The following NTM variants were observed in gnomAD, a reference collection of about 807,000 sequenced individuals.
NTM encodes the protein IgLON family member 2.
Under a neutral mutation model 42.1 loss-of-function variants are expected in NTM, and 13 were observed. The ratio of observed to expected loss-of-function variants is 0.31; its 90% CI spans 0.20 to 0.49. The LOEUF is 0.49. Among genes scored for constraint, NTM ranks in the 20% least tolerant of loss-of-function variants. The pLI is 0.99. For synonymous variants in NTM, 187 were observed against 179.2 expected, an observed-to-expected ratio of 1.04 and a Z score of -0.35; for missense variants, 373 against 452.8, an observed-to-expected ratio of 0.82 and a Z score of 1.60.
At chr11:131,452,830 A>G (rs891607294) in intron 1 of NTM, among the ~76,000 whole-genome samples, 4 of 152,184 alleles carry the variant, frequency 2.6e-5, no homozygotes, top group African/African-American at 9.6e-5. Context: ...TGGGATTTTT[A>G]TCGCTCAGAT....
intron 1 of NTM, among the ~76,000 whole-genome samples, chr11:131,706,463 C>A (rs1375610663): frequency 6.6e-6 from 1 of 151,890 alleles, no homozygotes; most frequent in African/African-American, 2.4e-5. Flanking sequence ...TGGATTTGAG[C>A]AGCATAATAG....
intron 1 of NTM, among the ~76,000 whole-genome samples, chr11:131,881,043 G>A (rs2049391781): frequency 6.6e-6 from 1 of 152,150 alleles, no homozygotes; most frequent in East Asian, 1.9e-4. Context: ...GAACTTGCCA[G>A]AACCTTCCTA....
intron 1 of NTM, among the ~76,000 whole-genome samples, chr11:131,780,350 T>A (rs189476199): frequency 6.6e-6 from 1 of 152,202 alleles, no homozygotes; most frequent in Non-Finnish European, 1.5e-5. Context: ...ACGACCTCAC[T>A]GAGGGACAAT....
At chr11:132,209,044 G>C (rs2082423069) in intron 3 of NTM, among the ~76,000 whole-genome samples, 1 of 152,122 alleles carries the variant, frequency 6.6e-6, no homozygotes, top group Non-Finnish European at 1.5e-5. Flanking sequence ...GGGGGTGGGG[G>C]AAGGAGGTGG....
chr11:132,027,123 A>T (rs981286947), intron 2 of NTM, among the ~76,000 whole-genome samples: 3 of 152,254 alleles, frequency 2.0e-5, no homozygotes, highest in African/African-American at 7.2e-5. Flanking sequence ...TGTCCATACC[A>T]TAGATCCCTG....
intron 1 of NTM, among the ~76,000 whole-genome samples, chr11:131,501,442 G>C (rs2046820069): frequency 6.6e-6 from 1 of 152,128 alleles, no homozygotes; most frequent in Admixed American, 6.5e-5. Flanking sequence ...TTTGAGAATT[G>C]CTCCTGGGCT....
intron 1 of NTM, among the ~76,000 whole-genome samples, chr11:131,744,357 C>CCCATCTA (rs1048556626): frequency 6.6e-6 from 1 of 152,082 alleles, no homozygotes; most frequent in Non-Finnish European, 1.5e-5. Flanking sequence ...ACATGTTTTT[C>CCCATCTA]CCATCTAACA....
chr11:132,007,068 G>A (rs530002992), intron 2 of NTM, among the ~76,000 whole-genome samples: 14 of 152,134 alleles, frequency 9.2e-5, no homozygotes, highest in Non-Finnish European at 1.5e-4. Flanking sequence ...CCCCACTGGG[G>A]GTTCCTGAGT....
chr11:131,981,647 G>A (rs1032881458), intron 2 of NTM, among the ~76,000 whole-genome samples: 7 of 152,272 alleles, frequency 4.6e-5, no homozygotes, highest in Non-Finnish European at 7.3e-5. Flanking sequence ...CAATATTTCT[G>A]TGCTAGGGCA....
intron 3 of NTM, among the ~76,000 whole-genome samples, chr11:132,166,086 T>C (rs1376601299): frequency 6.6e-6 from 1 of 152,142 alleles, no homozygotes; most frequent in Non-Finnish European, 1.5e-5. Flanking sequence ...TAATGCTCTA[T>C]CCTGCTTGTT....
intron 4 of NTM, among the ~76,000 whole-genome samples, chr11:132,228,121 G>T (rs999470142): frequency 6.6e-6 from 1 of 152,202 alleles, no homozygotes; most frequent in African/African-American, 2.4e-5. Flanking sequence ...TCCAGGAGAA[G>T]CTCTGAAGGG....
chr11:132,298,327 T>A (rs2140089334), intron 4 of NTM, among the ~76,000 whole-genome samples: 1 of 152,350 alleles, frequency 6.6e-6, no homozygotes, highest in South Asian at 2.1e-4. Flanking sequence ...TTTATTTTTT[T>A]ATTTTTATTT....
At chr11:131,660,398 G>A (rs1435855923) in intron 1 of NTM, 7 of 449,730 alleles carry the variant, frequency 1.6e-5, no homozygotes, top group Non-Finnish European at 2.2e-5. Context: ...GGGTGAGGGA[G>A]GGAGAGAGGA....
At chr11:131,950,764 C>T (rs2060895227) in intron 2 of NTM, among the ~76,000 whole-genome samples, 1 of 152,106 alleles carries the variant, frequency 6.6e-6, no homozygotes, top group Non-Finnish European at 1.5e-5. Flanking sequence ...TCTTCAAAGC[C>T]CAACTCAAAA....
intron 1 of NTM, among the ~76,000 whole-genome samples, chr11:131,689,251 A>G (rs2074349059): frequency 6.6e-6 from 1 of 152,184 alleles, no homozygotes. Context: ...GCCAGGCAGG[A>G]ACACAGGTGG....
At chr11:131,639,818 T>C (rs1170252568) in intron 1 of NTM, among the ~76,000 whole-genome samples, 1 of 151,936 alleles carries the variant, frequency 6.6e-6, no homozygotes, top group Admixed American at 6.6e-5. Flanking sequence ...TAGCCGGGTG[T>C]GGTGGCGGGC....
intron 2 of NTM, among the ~76,000 whole-genome samples, chr11:132,053,530 A>G (rs967015190): frequency 2.0e-5 from 3 of 152,216 alleles, no homozygotes; most frequent in Non-Finnish European, 4.4e-5. Flanking sequence ...CTGAAATTCT[A>G]TACCAAGCTG....
At chr11:131,444,736 G>C (rs1443678121) in intron 1 of NTM, among the ~76,000 whole-genome samples, 1 of 152,188 alleles carries the variant, frequency 6.6e-6, no homozygotes, top group East Asian at 1.9e-4. Flanking sequence ...AGAAAGCCAT[G>C]ATACAGAAAG....
chr11:131,758,004 A>G (rs750550555), intron 1 of NTM, among the ~76,000 whole-genome samples: 4 of 152,088 alleles, frequency 2.6e-5, no homozygotes, highest in East Asian at 3.9e-4. Flanking sequence ...TGAATAGTCT[A>G]TGTTTCTAAA....
Sources: gnomAD v4.1 joint callset for allele counts (sites outside exome capture counted in the v4.1 genomes callset) on GRCh38, gnomAD v4.1.1 for gene constraint, MANE v1.5 for transcripts, NCBI Gene and HGNC (gene_info 2026-07-23, HGNC 2026-07-21) for gene names.